Variants in FMOD observed in about 807,000 individuals in gnomAD.
The protein encoded by FMOD is fibromodulin.
In FMOD, 15 loss-of-function variants were observed where a neutral mutation model predicts 27.0. The ratio of observed to expected loss-of-function variants is 0.55; its 90% CI spans 0.37 to 0.85. FMOD has a LOEUF of 0.85. FMOD is among the 40% of genes least tolerant of loss of function. FMOD has a pLI of 0.00. For synonymous variants in FMOD, 210 were observed against 214.0 expected (o/e 0.98, Z 0.16); for missense variants, 460 against 483.2 (o/e 0.95, Z 0.45).
At chr1:203,343,556 G>T (rs1460593133) in intron 2 of FMOD, among the ~76,000 whole-genome samples, 1 of 152,220 alleles carries the variant, frequency 6.6e-6, no homozygotes, top group East Asian at 1.9e-4. Flanking sequence ...GTTACCCATT[G>T]GGTCTTGAGG....
intron 2 of FMOD, among the ~76,000 whole-genome samples, chr1:203,345,981 TAA>T (rs1417088777): frequency 6.6e-6 from 1 of 151,138 alleles, no homozygotes; most frequent in African/African-American, 2.4e-5. Context: ...GAGATTTTAA[TAA>T]AAAAGAGTTT....
chr1:203,349,819 G>A lies in FMOD; in HGVS notation c.-8+1214C>T, dbSNP rs184128785. ...CTGTCCCCTCAAAACAGTTTCCTTG[G>A]GCCCACTTCATCCCATCAGTTCCTA... On this transcript the variant is annotated intron_variant, in intron 1 of 2. Coordinates refer to ENST00000354955, the MANE Select transcript of FMOD (RefSeq NM_002023.5). 3.9e-5 allele frequency among the ~76,000 whole-genome samples: 6 copies of A among 152,166 alleles called. No individual in the cohort carries two copies. The East Asian group carries it at 5.8e-4, about 15-fold the overall frequency.
chr1:203,349,477 T>C (rs145279616), intron 1 of FMOD, among the ~76,000 whole-genome samples: 97 of 152,262 alleles, frequency 6.4e-4, no homozygotes, highest in African/African-American at 1.8e-3. Flanking sequence ...ACTAAAGGTA[T>C]GGAAGGTAAG....
At chr1:203,350,232 G>A (rs1179053266) in intron 1 of FMOD, among the ~76,000 whole-genome samples, 32 of 152,200 alleles carry the variant, frequency 2.1e-4, no homozygotes, top group Admixed American at 2.0e-3. Context: ...GTTTGATGGG[G>A]AGCTTATGCC....
rs768544358 is a variant in FMOD, at chr1:203,347,860, G to A, written c.411C>T (p.His137=). The A allele has an allele frequency of 1.3e-4, 214 of 1,614,016 alleles. No individual in the cohort carries two copies. The highest frequency in any genetic ancestry group is 7.6e-4 in the East Asian group (34 of 44,902). Reference sequence around the variant, plus strand: ...CCTTATCACTGGTGATCTGGTTGCCGTGGAGAGCAATCCAGAGCAGCCCTG... The same window carrying A: ...CCTTATCACTGGTGATCTGGTTGCCATGGAGAGCAATCCAGAGCAGCCCTG... ...NATGLLWIAL[H]GNQITSDKVG... Residue 137 remains histidine, a synonymous_variant, in exon 2 of 3, where the codon CAC becomes CAT. Transcript: ENST00000354955.
intron 2 of FMOD, among the ~76,000 whole-genome samples, chr1:203,345,144 C>T (rs1658865462): frequency 6.6e-6 from 1 of 152,142 alleles, no homozygotes; most frequent in African/African-American, 2.4e-5. Context: ...CTAAGTGATA[C>T]CTAGTCACGG....
At chr1:203,349,985 A>G (rs1658963173) in intron 1 of FMOD, among the ~76,000 whole-genome samples, 1 of 152,244 alleles carries the variant, frequency 6.6e-6, no homozygotes, top group Admixed American at 6.5e-5. Flanking sequence ...CCAGGAGAGA[A>G]GACGAATGGA....
At chr1:203,344,458 T>C (rs897849689) in intron 2 of FMOD, among the ~76,000 whole-genome samples, 2 of 152,180 alleles carry the variant, frequency 1.3e-5, no homozygotes, top group Non-Finnish European at 2.9e-5. Flanking sequence ...CTGGAGGACA[T>C]TTTTCTAGCC....
Position 203,347,793 on chromosome 1 carries a change from G to A in FMOD, c.478C>T (p.Leu160=), listed in dbSNP as rs1243800959. 2 of 1,613,754 alleles carry A rather than the reference G, an allele frequency of 1.2e-6. No individual in the cohort carries two copies. Among genetic ancestry groups the A allele is most frequent in the Non-Finnish European group, 1.7e-6 (2 of 1,180,034 alleles). ...GTCAGGTTGTTGTGGTCCAGGTACA[G>A]CCTCTCCAGGTGCCTCAGCTTGGAG... ...VFSKLRHLER[L]YLDHNNLTRM... is the part of the protein sequence containing the mutation. Residue 160 remains leucine (L), a synonymous_variant, in exon 2 of 3, where the codon CTG becomes TTG. Coordinates refer to ENST00000354955, the MANE Select transcript of FMOD (RefSeq NM_002023.5).
At chr1:203,349,968 GC>G (rs1658962930) in intron 1 of FMOD, among the ~76,000 whole-genome samples, 1 of 152,238 alleles carries the variant, frequency 6.6e-6, no homozygotes, top group Non-Finnish European at 1.5e-5. Context: ...CTGGTTCCTG[GC>G]TCTGGCCAGG....
chr1:203,346,069 T>G (rs764101780), intron 2 of FMOD, among the ~76,000 whole-genome samples: 5 of 152,158 alleles, frequency 3.3e-5, no homozygotes, highest in African/African-American at 4.8e-5. Context: ...CCCACCCGAC[T>G]GTCAACTCCC....
Position 203,342,164 on chromosome 1 carries a change from C to G in FMOD, c.*179G>C. On this transcript the variant is annotated 3_prime_UTR_variant, in exon 3 of 3. Transcript: ENST00000354955. Reference sequence around the variant, plus strand: ...AGTGAGCTTCTGCCTATGTCCTCAGCAGAAGGCTGCCTGTCCCTGATCGCC... The same window carrying G: ...AGTGAGCTTCTGCCTATGTCCTCAGGAGAAGGCTGCCTGTCCCTGATCGCC... 3.1e-6 allele frequency: 2 copies of G among 646,686 alleles called. No individual in the cohort carries two copies. Among genetic ancestry groups the G allele is most frequent in the Non-Finnish European group, 5.1e-6 (2 of 394,988 alleles). The allele number at this position is 646,686 out of a possible 1,614,324, so 40.1% of individuals were successfully genotyped here.
chr1:203,349,407 T>A (rs560394184), intron 1 of FMOD, among the ~76,000 whole-genome samples: 12 of 152,044 alleles, frequency 7.9e-5, no homozygotes, highest in African/African-American at 2.9e-4. Flanking sequence ...GTTGTGCTAA[T>A]GAGATAGGAA....
chr1:203,343,516 G>C (rs903043422), intron 2 of FMOD, among the ~76,000 whole-genome samples: 1 of 152,220 alleles, frequency 6.6e-6, no homozygotes, highest in Admixed American at 6.5e-5. Flanking sequence ...TGCTCCTGTT[G>C]TCATTCTCTG....
Position 203,341,222 on chromosome 1 carries a change from A to G in FMOD, c.*1121T>C, listed in dbSNP as rs1223348384. 1 of 152,244 alleles carries G rather than the reference A, an allele frequency of 6.6e-6. No homozygotes were observed. The highest frequency in any genetic ancestry group is 1.5e-5 in the Non-Finnish European group (1 of 68,056). The allele number at this position is 152,244 out of a possible 1,614,324, so 9.4% of individuals were successfully genotyped here. On this transcript the variant is annotated 3_prime_UTR_variant, in exon 3 of 3. Transcript: ENST00000354955. Reference sequence around the variant, plus strand: ...GGTACTTTTTAACTATGGCCTTAGGACAAACCAGGTGAAACAGATTAACCA... The same window carrying G: ...GGTACTTTTTAACTATGGCCTTAGGGCAAACCAGGTGAAACAGATTAACCA...
At chr1:203,348,928 A>G (rs1451074223) in intron 1 of FMOD, among the ~76,000 whole-genome samples, 1 of 152,230 alleles carries the variant, frequency 6.6e-6, no homozygotes, top group Non-Finnish European at 1.5e-5. Context: ...CCAAAGTGCC[A>G]TCATCTGTAA....
rs764486572 is a variant in FMOD, at chr1:203,347,927, T to C, written c.344A>G (p.Asn115Ser). ...SRMKYVYFQN[N>S]QITSIQEGVF... Reference sequence around the variant, plus strand: ...GCCTTCCTGGATGGAGGTGATCTGGTTGTTCTGGAAGTACACATACTTCAT... The same window carrying C: ...GCCTTCCTGGATGGAGGTGATCTGGCTGTTCTGGAAGTACACATACTTCAT... The change falls in exon 2 of 3, where the codon AAC becomes AGC. Residue 115 changes from asparagine (N) to serine (S), a missense_variant. Transcript: ENST00000354955. 6.2e-7 allele frequency: 1 copy of C among 1,612,112 alleles called. No individual in the cohort carries two copies.
At chr1:203,346,707 G>A (rs903661819) in intron 2 of FMOD, among the ~76,000 whole-genome samples, 2 of 152,130 alleles carry the variant, frequency 1.3e-5, no homozygotes, top group Admixed American at 1.3e-4. Flanking sequence ...GGCTGTAGAC[G>A]CAAGAGTAGT....
intron 2 of FMOD, among the ~76,000 whole-genome samples, chr1:203,342,755 T>A (rs973304125): frequency 2.6e-5 from 4 of 151,012 alleles, no homozygotes; most frequent in African/African-American, 9.7e-5. Context: ...AGGAATGTTC[T>A]TAAGCGTCCT....
Sources: gnomAD v4.1 joint callset for allele counts (sites outside exome capture counted in the v4.1 genomes callset) on GRCh38, gnomAD v4.1.1 for gene constraint, MANE v1.5 for transcripts, NCBI Gene and HGNC (gene_info 2026-07-23, HGNC 2026-07-21) for gene names.